Variants in TTC19 observed in about 807,000 individuals in gnomAD.
TTC19 encodes tetratricopeptide repeat domain 19, also known as tetratricopeptide repeat protein 19, mitochondrial.
In TTC19, 38 loss-of-function variants were observed where a neutral mutation model predicts 49.5. That is an observed-to-expected ratio of 0.77 (90% CI 0.59 to 1.01). The LOEUF (loss-of-function observed/expected upper bound fraction) is 1.01. Among genes scored for constraint, TTC19 ranks in the 50% least tolerant of loss-of-function variants. The pLI is 0.00. For synonymous variants in TTC19, 204 were observed against 185.2 expected (o/e 1.10, Z -0.83); for missense variants, 475 against 477.7 (o/e 0.99, Z 0.05).
At chr17:16,038,416 T>C (rs1389059046) in intron 2 of TTC19, among the ~76,000 whole-genome samples, 1 of 147,680 alleles carries the variant, frequency 6.8e-6, no homozygotes, top group Non-Finnish European at 1.5e-5. Context: ...CTGTTTCTTT[T>C]TCTTCCCTTT....
Position 16,027,114 on chromosome 17 carries a change from G to A in TTC19, c.995-260G>A, listed in dbSNP as rs1971585225. The A allele has an allele frequency of 1.7e-5, 9 of 538,206 alleles. 1 individual carries two copies. Among genetic ancestry groups the A allele is most frequent in the Non-Finnish European group, 3.0e-5 (9 of 300,028 alleles). The allele number at this position is 538,206 out of a possible 1,614,324, so 33.3% of individuals were successfully genotyped here. On this transcript the variant is annotated intron_variant, in intron 9 of 9. Transcript: ENST00000261647. The stretch of plus-strand genomic sequence containing the variant: ...TCATTTTCAGAAACCTGGGATGACA[G>A]GTGTATTACACATACCACCATTCAT...
chr17:16,000,982 C>T (rs1392014110), intron 2 of TTC19, among the ~76,000 whole-genome samples: 1 of 152,210 alleles, frequency 6.6e-6, no homozygotes, highest in East Asian at 1.9e-4. Context: ...GCAACAAGTC[C>T]TGTTGCCAAC....
intron 7 of TTC19, among the ~76,000 whole-genome samples, chr17:16,014,311 C>T (rs953241434): frequency 1.3e-5 from 2 of 152,196 alleles, no homozygotes; most frequent in East Asian, 3.8e-4. Flanking sequence ...ACATCAGTCT[C>T]CTTTCCTGAG....
chr17:16,002,903 A>G (rs991020057), intron 4 of TTC19, 72 bp downstream of exon 4: 5 of 1,400,738 alleles, frequency 3.6e-6, no homozygotes, highest in Admixed American at 3.4e-5. Flanking sequence ...TAGTAAGAGT[A>G]CAGGCTAAGC....
intron 2 of TTC19, 99 bp from the exon 3 acceptor site, chr17:16,001,816 C>G: frequency 1.3e-6 from 1 of 794,348 alleles, no homozygotes. Flanking sequence ...AGTTAGCTTC[C>G]TTCTATCAGT....
intron 2 of TTC19, chr17:16,044,388 C>CAATCT: frequency 2.1e-6 from 1 of 471,168 alleles, no homozygotes; most frequent in Non-Finnish European, 4.4e-6. Context: ...CAGATCTAAA[C>CAATCT]AAACATCCAC....
At chr17:16,036,485 A>G (rs754506151) in intron 2 of TTC19, among the ~76,000 whole-genome samples, 6 of 152,182 alleles carry the variant, frequency 3.9e-5, no homozygotes, top group Non-Finnish European at 7.3e-5. Flanking sequence ...TGTCTTTTGA[A>G]GTTTTGGACT....
chr17:16,003,765 A>G (rs1308664932), intron 4 of TTC19, 66 bp from the exon 5 acceptor site: 3 of 1,399,200 alleles, frequency 2.1e-6, no homozygotes, highest in Non-Finnish European at 3.0e-6. Context: ...CTTAGAATCC[A>G]GGGTCATATA....
chr17:16,044,677 T>G (rs555656067), exon 3 of TTC19: 1 of 668,850 alleles, frequency 1.5e-6, no homozygotes, highest in African/African-American at 1.8e-5. Context: ...TGCATGACAA[T>G]GAGGTGACCA....
At chr17:16,002,265 G>A (rs564050483) in intron 3 of TTC19, among the ~76,000 whole-genome samples, 2 of 152,202 alleles carry the variant, frequency 1.3e-5, no homozygotes, top group Admixed American at 1.3e-4. Flanking sequence ...TGCAGCCTCC[G>A]CCTCATGAGT....
downstream of TTC19, among the ~76,000 whole-genome samples, chr17:16,034,151 C>T (rs922803613): frequency 9.8e-5 from 15 of 152,328 alleles, no homozygotes; most frequent in East Asian, 2.9e-3. Context: ...ACTAAAACCA[C>T]CTTATTTGCT....
At chr17:16,000,312 G>A in intron 2 of TTC19, 67 bp downstream of exon 2, 1 of 1,578,718 alleles carries the variant, frequency 6.3e-7, no homozygotes, top group Non-Finnish European at 8.5e-7. Context: ...TCTTGGCGTT[G>A]CTGCGCATTA....
chr17:16,027,722 T>G lies in TTC19; in HGVS notation c.*200T>G, dbSNP rs1486616838. ...AAAAATGACTTTCATTCCCAACTGA[T>G]TATGACCTTTCAGGATGTCGTCAAG... On this transcript the variant is annotated 3_prime_UTR_variant, in exon 10 of 10. Transcript: ENST00000261647. 1 of 662,718 alleles carries G rather than the reference T, an allele frequency of 1.5e-6. No individual in the cohort carries two copies. The highest frequency in any genetic ancestry group is 2.7e-6 in the Non-Finnish European group (1 of 365,432). The allele number at this position is 662,718 out of a possible 1,614,324, so 41.1% of individuals were successfully genotyped here.
At chr17:16,008,679 T>C (rs1970981045) in intron 7 of TTC19, among the ~76,000 whole-genome samples, 1 of 152,116 alleles carries the variant, frequency 6.6e-6, no homozygotes, top group Non-Finnish European at 1.5e-5. Context: ...ACCACACTGG[T>C]CTTATTCTGG....
In TTC19 at chr17:16,027,621, T is replaced by C. The variant is rs541260761; in HGVS notation, c.*99T>C. On this transcript the variant is annotated 3_prime_UTR_variant, in exon 10 of 10. Transcript: ENST00000261647. ...CGATCAATGGCTTAAATCTGTCGTTTTTGATATTCAGGTTTCCTCAATTTA... is the reference window on the plus strand; with the variant it reads ...CGATCAATGGCTTAAATCTGTCGTTCTTGATATTCAGGTTTCCTCAATTTA... 6.9e-6 allele frequency: 10 copies of C among 1,439,070 alleles called. No homozygotes were observed. Among genetic ancestry groups the C allele is most frequent in the Admixed American group, 1.7e-5 (1 of 57,386 alleles). 89.1% of individuals were successfully genotyped at this position (1,439,070 alleles called of 1,614,324 possible).
chr17:16,009,031 C>G (rs991081702), intron 7 of TTC19, among the ~76,000 whole-genome samples: 1 of 149,352 alleles, frequency 6.7e-6, no homozygotes, highest in African/African-American at 2.6e-5. Flanking sequence ...ATACTCAGTG[C>G]TAAATCCTCG....
At chr17:16,032,591 T>C, downstream of TTC19, 1 of 1,103,108 alleles carries the variant, frequency 9.1e-7, no homozygotes, top group East Asian at 2.6e-5. Flanking sequence ...AATGGTCATG[T>C]GACACCATGA....
In TTC19 at chr17:16,001,966, G is replaced by A. The variant is rs377441281; in HGVS notation, c.364G>A (p.Ala122Thr). The A allele has an allele frequency of 4.5e-5, 73 of 1,613,222 alleles. No homozygotes were observed. The highest frequency in any genetic ancestry group is 3.5e-4 in the Admixed American group (21 of 59,986). Reference protein sequence around the residue: ...PEEAELILHDALRLAYQTDNK... With the variant: ...PEEAELILHDTLRLAYQTDNK... ...AGAGGCTGAGTTAATTTTGCATGAC[G>A]CTCTTCGTCTCGCCTATCAGACTGA... The change falls in exon 3 of 10, where the codon GCT becomes ACT. Residue 122 changes from alanine to threonine, a missense_variant. Physicochemically the swap from Ala to Thr is moderately conservative, Grantham distance 58. Coordinates refer to ENST00000261647, the MANE Select transcript of TTC19 (RefSeq NM_017775.4).
rs1970678683 is a variant in TTC19 at position 16,000,256 on chromosome 17, T to G, written c.312+11T>G. 6.3e-7 allele frequency: 1 copy of G among 1,593,720 alleles called. No individual in the cohort carries two copies. Among genetic ancestry groups the G allele is most frequent in the South Asian group, 1.1e-5 (1 of 90,858 alleles). On this transcript the variant is annotated intron_variant, in intron 2 of 9. Coordinates refer to ENST00000261647, the MANE Select transcript of TTC19 (RefSeq NM_017775.4). Reference sequence around the variant, plus strand: ...CTGAAGCGAGCCAAGGTGAGGCGGCTCCGGGCCCTGCGCCCGGCCGAGCGC... The same window carrying G: ...CTGAAGCGAGCCAAGGTGAGGCGGCGCCGGGCCCTGCGCCCGGCCGAGCGC...
Sources: allele counts gnomAD v4.1 joint callset (sites outside exome capture counted in the v4.1 genomes callset), GRCh38; gene constraint gnomAD v4.1.1; transcripts MANE v1.5; gene names NCBI Gene and HGNC (gene_info 2026-07-23, HGNC 2026-07-21).